ASIC2: variants seen among roughly 807,000 people sequenced by gnomAD.
ASIC2 encodes acid sensing ion channel subunit 2, also known as acid-sensing ion channel 2.
Under a neutral mutation model 57.3 loss-of-function variants are expected in ASIC2, and 25 were observed. The observed-to-expected ratio is 0.44, with a 90% CI of 0.32 to 0.61. The LOEUF (loss-of-function observed/expected upper bound fraction) is 0.61. ASIC2 is among the 20% of genes least tolerant of loss of function. The pLI is 0.06. For synonymous variants in ASIC2, 319 were observed against 307.5 expected (o/e 1.04, Z -0.39); for missense variants, 641 against 738.1 (o/e 0.87, Z 1.52).
intron 1 of ASIC2, among the ~76,000 whole-genome samples, chr17:33,488,701 C>T (rs1258202167): frequency 3.3e-5 from 5 of 152,154 alleles, no homozygotes; most frequent in African/African-American, 9.7e-5. Context: ...TACCACATCC[C>T]TAAAACTCAC....
In ASIC2 at chr17:33,172,298, G is replaced by A. The variant is rs75157717; in HGVS notation, c.709-60231C>T. 4.7e-4 allele frequency among the ~76,000 whole-genome samples: 71 copies of A among 152,268 alleles called. 2 individuals are homozygous for A. In the East Asian group the frequency reaches 0.013, roughly 27 times the overall value. ...GCTTCTGGGGGCAATGGGTGAGTGG[G>A]TGCAATATTTTCCACGTATGGAGTG... On this transcript the variant is annotated intron_variant, in intron 1 of 9. Coordinates refer to ENST00000225823, the MANE Select transcript of ASIC2 (RefSeq NM_183377.2).
At chr17:33,626,873 A>G (rs956146904) in intron 1 of ASIC2, among the ~76,000 whole-genome samples, 1 of 152,110 alleles carries the variant, frequency 6.6e-6, no homozygotes. Flanking sequence ...CTATGAACAC[A>G]ATTCTGACCA....
chr17:34,150,475 A>G (rs1403775079), intron 1 of ASIC2, among the ~76,000 whole-genome samples: 2 of 152,230 alleles, frequency 1.3e-5, no homozygotes, highest in Non-Finnish European at 1.5e-5. Context: ...TCCACAATGT[A>G]TACATACTTC....
intron 1 of ASIC2, among the ~76,000 whole-genome samples, chr17:33,834,799 T>A (rs904064872): frequency 6.6e-6 from 1 of 152,206 alleles, no homozygotes; most frequent in African/African-American, 2.4e-5. Context: ...GGAACTAAAC[T>A]ATGATCTTCC....
Position 34,138,870 on chromosome 17 carries a change from T to A in ASIC2, c.555+17108A>T, listed in dbSNP as rs139622291. On this transcript the variant is annotated intron_variant, in intron 1 of 9. Transcript: ENST00000359872. Reference sequence around the variant, plus strand: ...CATCCCTCAAAGTCCACCTAGGCAATGATCACACAACCCAATCCTCTGAAA... The same window carrying A: ...CATCCCTCAAAGTCCACCTAGGCAAAGATCACACAACCCAATCCTCTGAAA... Among the ~76,000 whole-genome samples, 3 of 152,348 alleles carry A rather than the reference T, an allele frequency of 2.0e-5. No individual in the cohort carries two copies. The South Asian group carries it at 6.2e-4, about 32-fold the overall frequency.
At chr17:33,298,473 A>G (rs1301006947) in intron 1 of ASIC2, among the ~76,000 whole-genome samples, 1 of 152,208 alleles carries the variant, frequency 6.6e-6, no homozygotes, top group East Asian at 1.9e-4. Context: ...TATATGTGCC[A>G]CATTTTCTTA....
intron 1 of ASIC2, among the ~76,000 whole-genome samples, chr17:33,997,822 G>A (rs765921224): frequency 6.6e-6 from 1 of 151,562 alleles, no homozygotes; most frequent in Non-Finnish European, 1.5e-5. Context: ...TAGGGATATT[G>A]GTCTGTGATT....
chr17:34,033,598 G>A (rs560743173), intron 1 of ASIC2, among the ~76,000 whole-genome samples: 4 of 152,078 alleles, frequency 2.6e-5, no homozygotes, highest in South Asian at 2.1e-4. Context: ...AAAGATCAAC[G>A]AAATTGATAG....
intron 1 of ASIC2, among the ~76,000 whole-genome samples, chr17:33,777,578 A>T (rs1270859950): frequency 6.6e-6 from 1 of 152,084 alleles, no homozygotes; most frequent in Non-Finnish European, 1.5e-5. Flanking sequence ...AGCAAAAGTC[A>T]TGTGGGAACC....
At chr17:34,083,710 CA>C (rs1909985703) in intron 1 of ASIC2, among the ~76,000 whole-genome samples, 1 of 152,150 alleles carries the variant, frequency 6.6e-6, no homozygotes, top group Admixed American at 6.5e-5. Context: ...TAATGATTGC[CA>C]TTCTAACTGG....
chr17:33,106,166 A>G (rs2092233551), intron 2 of ASIC2, among the ~76,000 whole-genome samples: 1 of 152,152 alleles, frequency 6.6e-6, no homozygotes, highest in Non-Finnish European at 1.5e-5. Flanking sequence ...AATATTCAAG[A>G]AGCAGCAGGG....
At chr17:34,137,650 C>T (rs1406606877) in intron 1 of ASIC2, among the ~76,000 whole-genome samples, 3 of 152,152 alleles carry the variant, frequency 2.0e-5, no homozygotes, top group African/African-American at 4.8e-5. Flanking sequence ...TATAATAGAA[C>T]ACTATAAATT....
chr17:33,530,600 AG>A (rs1186298270), intron 1 of ASIC2, among the ~76,000 whole-genome samples: 1 of 152,240 alleles, frequency 6.6e-6, no homozygotes, highest in East Asian at 1.9e-4. Context: ...TGGGAGCATG[AG>A]GCCTTTTGGG....
intron 1 of ASIC2, among the ~76,000 whole-genome samples, chr17:33,451,144 C>T (rs1912233906): frequency 6.6e-6 from 1 of 151,734 alleles, no homozygotes; most frequent in African/African-American, 2.4e-5. Flanking sequence ...GCAACCTCTG[C>T]CTCCTGAGAT....
chr17:33,271,592 C>T (rs909685078), intron 1 of ASIC2, among the ~76,000 whole-genome samples: 6 of 152,176 alleles, frequency 3.9e-5, no homozygotes, highest in African/African-American at 1.2e-4. Flanking sequence ...CTGCTTTTAT[C>T]ACCCTCTACT....
chr17:34,079,284 C>A (rs1300001069), intron 1 of ASIC2, among the ~76,000 whole-genome samples: 3 of 152,206 alleles, frequency 2.0e-5, no homozygotes, highest in African/African-American at 4.8e-5. Context: ...TCCCTCCCCC[C>A]AGTATGAAGC....
At chr17:33,637,010 C>G (rs1232696156) in intron 1 of ASIC2, among the ~76,000 whole-genome samples, 1 of 152,056 alleles carries the variant, frequency 6.6e-6, no homozygotes, top group East Asian at 1.9e-4. Context: ...TTCTTTCTCC[C>G]CTTCCTCCTT....
chr17:33,390,586 G>T (rs1909854567), intron 1 of ASIC2, among the ~76,000 whole-genome samples: 1 of 152,118 alleles, frequency 6.6e-6, no homozygotes, highest in South Asian at 2.1e-4. Context: ...GTGTCTCCCA[G>T]GGCTGAAGAC....
At chr17:33,782,164 A>C (rs553627484) in intron 1 of ASIC2, among the ~76,000 whole-genome samples, 1 of 152,306 alleles carries the variant, frequency 6.6e-6, no homozygotes, top group Admixed American at 6.5e-5. Context: ...AATTTTAATG[A>C]AGTCCAATTT....
Sources: allele counts gnomAD v4.1 joint callset (sites outside exome capture counted in the v4.1 genomes callset), GRCh38; gene constraint gnomAD v4.1.1; transcripts MANE v1.5; gene names NCBI Gene and HGNC (gene_info 2026-07-23, HGNC 2026-07-21).